WWOX: variants seen among roughly 807,000 people sequenced by gnomAD.
WWOX encodes WW domain containing oxidoreductase.
A neutral mutation model predicts 46.2 loss-of-function variants in WWOX; 69 were observed. The ratio of observed to expected loss-of-function variants is 1.49; its 90% CI spans 1.23 to 1.82. The LOEUF (loss-of-function observed/expected upper bound fraction) is 1.82, where lower values mean the gene tolerates loss of function less well. Ranked by LOEUF, WWOX falls within the 40% of genes most tolerant of loss-of-function variation. The pLI is 0.00. For synonymous variants in WWOX, 359 were observed against 202.6 expected (o/e 1.77, Z -6.56); for missense variants, 919 against 542.6 (o/e 1.69, Z -6.89).
intron 8 of WWOX, among the ~76,000 whole-genome samples, chr16:79,075,758 A>G (rs1244868789): frequency 6.6e-6 from 1 of 151,880 alleles, no homozygotes; most frequent in Non-Finnish European, 1.5e-5. Context: ...TCATCTGGTG[A>G]TTTTTCAAGT....
intron 5 of WWOX, among the ~76,000 whole-genome samples, chr16:78,354,975 T>C (rs1240865347): frequency 6.6e-6 from 1 of 151,996 alleles, no homozygotes; most frequent in African/African-American, 2.4e-5. Context: ...ATCCTAAAAA[T>C]GCAAAAATTA....
intron 8 of WWOX, among the ~76,000 whole-genome samples, chr16:78,824,440 A>G (rs781779672): frequency 1.3e-5 from 2 of 152,178 alleles, no homozygotes; most frequent in Non-Finnish European, 2.9e-5. Context: ...CACTTGGTAC[A>G]TGTCAGATAC....
chr16:78,817,702 G>A (rs1023369023), intron 8 of WWOX, among the ~76,000 whole-genome samples: 1 of 152,072 alleles, frequency 6.6e-6, no homozygotes, highest in Non-Finnish European at 1.5e-5. Context: ...CCCTGTCTTC[G>A]CTTGGCTTCC....
At chr16:78,648,232 C>G (rs912662877) in intron 8 of WWOX, among the ~76,000 whole-genome samples, 2 of 152,110 alleles carry the variant, frequency 1.3e-5, no homozygotes, top group Non-Finnish European at 2.9e-5. Context: ...CATGCATATC[C>G]CTATACAAAG....
intron 8 of WWOX, among the ~76,000 whole-genome samples, chr16:78,566,152 A>G (rs1402466598): frequency 1.3e-5 from 2 of 151,930 alleles, no homozygotes; most frequent in Non-Finnish European, 2.9e-5. Flanking sequence ...AGGGGTCTGG[A>G]ACCTTTCTCT....
chr16:78,819,224 G>A (rs186998073), intron 8 of WWOX, among the ~76,000 whole-genome samples: 1 of 152,284 alleles, frequency 6.6e-6, no homozygotes, highest in East Asian at 1.9e-4. Context: ...CAGCAGGCCA[G>A]TTGTCTTCAG....
chr16:78,937,013 G>A (rs925548392), intron 8 of WWOX, among the ~76,000 whole-genome samples: 1 of 152,042 alleles, frequency 6.6e-6, no homozygotes, highest in African/African-American at 2.4e-5. Context: ...TATACTGTTT[G>A]GTACAATATG....
intron 8 of WWOX, among the ~76,000 whole-genome samples, chr16:79,183,009 G>A (rs367900498): frequency 1.8e-4 from 28 of 152,308 alleles, no homozygotes; most frequent in South Asian, 4.1e-4. Context: ...GGTGGCCCTC[G>A]TCTGACACAC....
chr16:78,432,098 C>T (rs2083233018), intron 7 of WWOX, among the ~76,000 whole-genome samples: 1 of 149,826 alleles, frequency 6.7e-6, no homozygotes. Context: ...TTTTACTCAT[C>T]TCTACATAGT....
At chr16:79,125,960 G>A (rs900888549) in intron 8 of WWOX, among the ~76,000 whole-genome samples, 13 of 152,182 alleles carry the variant, frequency 8.5e-5, no homozygotes, top group African/African-American at 2.9e-4. Context: ...CCGGCTGGTG[G>A]TGTTTTTACT....
intron 8 of WWOX, among the ~76,000 whole-genome samples, chr16:78,831,774 A>T (rs1339310879): frequency 1.3e-5 from 2 of 152,196 alleles, no homozygotes; most frequent in Non-Finnish European, 2.9e-5. Flanking sequence ...TATAACTATG[A>T]CCTCCAGAAG....
chr16:78,825,760 C>A, intron 8 of WWOX: 1 of 596,152 alleles, frequency 1.7e-6, no homozygotes, highest in South Asian at 1.7e-5. Flanking sequence ...CCAGCGGAGA[C>A]CATGTTAACT....
intron 8 of WWOX, among the ~76,000 whole-genome samples, chr16:78,978,852 A>C (rs1024721097): frequency 3.9e-5 from 6 of 152,064 alleles, no homozygotes; most frequent in Admixed American, 3.9e-4. Flanking sequence ...CACCTCCAAC[A>C]CTGGGGATTA....
intron 8 of WWOX, among the ~76,000 whole-genome samples, chr16:78,738,124 T>G (rs1041725834): frequency 6.6e-6 from 1 of 152,190 alleles, no homozygotes; most frequent in East Asian, 1.9e-4. Flanking sequence ...GAAAAACAGT[T>G]CAATTAGGTA....
At chr16:79,183,959 G>C (rs149677487) in intron 8 of WWOX, among the ~76,000 whole-genome samples, 1 of 152,166 alleles carries the variant, frequency 6.6e-6, no homozygotes, top group East Asian at 1.9e-4. Flanking sequence ...CTTTGGTGTC[G>C]TGCTTGCCTT....
intron 8 of WWOX, among the ~76,000 whole-genome samples, chr16:78,838,785 G>A (rs1453458920): frequency 6.6e-6 from 1 of 152,176 alleles, no homozygotes; most frequent in Non-Finnish European, 1.5e-5. Context: ...AGAGGTTGCA[G>A]TGAGCCCAGA....
At position 78,108,418 on chromosome 16, in the gene WWOX, A is replaced by G; in HGVS notation, c.108-5A>G. On this transcript the variant is annotated splice_region_variant and splice_polypyrimidine_tract_variant and intron_variant, in intron 1 of 8. Coordinates refer to ENST00000566780, the MANE Select transcript of WWOX (RefSeq NM_016373.4). ...TATTACTGTGGATTTTTTGTTTTTT[A>G]ACAGTCACACCGAGGAGAAGACTCA... 1 of 1,606,134 alleles carries G rather than the reference A, an allele frequency of 6.2e-7. No homozygotes were observed. The highest frequency in any genetic ancestry group is 8.5e-7 in the Non-Finnish European group (1 of 1,176,238).
At chr16:78,591,776 G>C (rs954511034) in intron 8 of WWOX, among the ~76,000 whole-genome samples, 1 of 152,154 alleles carries the variant, frequency 6.6e-6, no homozygotes, top group South Asian at 2.1e-4. Context: ...CACTGGACAG[G>C]GTGGCCTGGG....
chr16:78,383,499 G>A lies in WWOX; in HGVS notation c.517-3361G>A, dbSNP rs188478235. Among the ~76,000 whole-genome samples, 255 of 152,278 alleles carry A rather than the reference G, an allele frequency of 1.7e-3. 1 individual carries two copies. Among genetic ancestry groups the A allele is most frequent in the African/African-American group, 5.8e-3 (241 of 41,574 alleles). On this transcript the variant is annotated intron_variant, in intron 5 of 8. Coordinates refer to ENST00000566780, the MANE Select transcript of WWOX (RefSeq NM_016373.4). ...AGGAAATCTCACCTTGGCAGATCGAGTCTCTTGTCCTCGCCTAACAATCAG... is the reference window on the plus strand; with the variant it reads ...AGGAAATCTCACCTTGGCAGATCGAATCTCTTGTCCTCGCCTAACAATCAG...
Sources: gnomAD v4.1 joint callset for allele counts (sites outside exome capture counted in the v4.1 genomes callset) on GRCh38, gnomAD v4.1.1 for gene constraint, MANE v1.5 for transcripts, NCBI Gene and HGNC (gene_info 2026-07-23, HGNC 2026-07-21) for gene names.